Variants in RANBP2 observed in about 807,000 individuals in gnomAD.
RANBP2 encodes E3 SUMO-protein ligase RanBP2.
A neutral mutation model predicts 303.6 loss-of-function variants in RANBP2; 57 were observed. That is an observed-to-expected ratio of 0.19 (90% CI 0.15 to 0.23). RANBP2 has a LOEUF of 0.23. Among genes scored for constraint, RANBP2 ranks in the 10% least tolerant of loss-of-function variants. The probability of loss-of-function intolerance (pLI) is 1.00; values close to 1 mark genes in which losing one functional copy is unlikely to be tolerated. For missense variants in RANBP2, 3,138 were observed against 3,780.8 expected (o/e 0.83, Z 4.46); for synonymous variants, 1,167 against 1,301.5 (o/e 0.90, Z 2.23).
At chr2:108,840,784 ATTTCTTTTTTTCTTTT>A in the RANBP2 span, among the ~76,000 whole-genome samples, 48 of 148,610 alleles carry the variant, frequency 3.2e-4, 2 homozygotes, top group Admixed American at 8.0e-4. Flanking sequence ...TCTTTGTTTC[ATTTCTTTTTTTCTTTT>A]TTTCTTTTTT....
the RANBP2 span, among the ~76,000 whole-genome samples, chr2:109,423,981 C>T: frequency 6.6e-6 from 1 of 152,196 alleles, no homozygotes; most frequent in Non-Finnish European, 1.5e-5. Flanking sequence ...CCCTGGCGGG[C>T]AAAGGTCGGA....
the RANBP2 span, among the ~76,000 whole-genome samples, chr2:109,484,063 CTTTCT>C: frequency 0.22 from 30,606 of 138,938 alleles, 3,008 homozygotes; most frequent in Admixed American, 0.31. Flanking sequence ...ATCCTCTGGC[CTTTCT>C]TTTTTTTTTT....
the RANBP2 span, among the ~76,000 whole-genome samples, chr2:109,370,530 C>T: frequency 1.3e-5 from 2 of 152,152 alleles, no homozygotes; most frequent in Admixed American, 6.5e-5. Context: ...TGAGCCACCG[C>T]GCCCGGCCAT....
the RANBP2 span, among the ~76,000 whole-genome samples, chr2:108,981,734 G>A: frequency 5.3e-5 from 8 of 152,246 alleles, no homozygotes; most frequent in East Asian, 9.6e-4. Flanking sequence ...ATTTCTGAAC[G>A]AGCCCATGGA....
chr2:108,757,980 CACTGGCA>C (rs1676443208), intron 17 of RANBP2, among the ~76,000 whole-genome samples: 1 of 152,130 alleles, frequency 6.6e-6, no homozygotes, highest in African/African-American at 2.4e-5. Flanking sequence ...ACCTAGAACT[CACTGGCA>C]AATAGAAACT....
chr2:109,391,841 T>G, the RANBP2 span, among the ~76,000 whole-genome samples: 9 of 152,060 alleles, frequency 5.9e-5, no homozygotes, highest in South Asian at 4.2e-4. Context: ...AAATATGGTC[T>G]TCTTTTTTTT....
the RANBP2 span, among the ~76,000 whole-genome samples, chr2:109,703,748 T>G: frequency 0.77 from 117,803 of 152,220 alleles, 49,507 homozygotes; most frequent in East Asian, 0.97. Flanking sequence ...TATTTTAATT[T>G]TACTTCACCT....
chr2:109,489,929 G>T, the RANBP2 span, among the ~76,000 whole-genome samples: 1 of 152,122 alleles, frequency 6.6e-6, no homozygotes, highest in Non-Finnish European at 1.5e-5. Flanking sequence ...GTAGAGACAG[G>T]GTTTCACCAT....
chr2:109,448,357 A>G, the RANBP2 span, among the ~76,000 whole-genome samples: 1 of 152,216 alleles, frequency 6.6e-6, no homozygotes, highest in Non-Finnish European at 1.5e-5. Context: ...GCCACAGACC[A>G]ATTCCGGTCC....
At chr2:109,131,871 CT>C in the RANBP2 span, among the ~76,000 whole-genome samples, 37 of 152,272 alleles carry the variant, frequency 2.4e-4, no homozygotes, top group Middle Eastern at 3.4e-3. Context: ...TAGACGAGCA[CT>C]TATTTAACTA....
At chr2:109,574,610 G>A in the RANBP2 span, 1 of 1,597,102 alleles carries the variant, frequency 6.3e-7, no homozygotes, top group East Asian at 2.3e-5. Flanking sequence ...ATGGTTAAGA[G>A]ATCAAGTGTC....
chr2:109,278,204 T>G, the RANBP2 span, among the ~76,000 whole-genome samples: 1 of 151,944 alleles, frequency 6.6e-6, no homozygotes, highest in Admixed American at 6.6e-5. Flanking sequence ...TTTCAGTAAT[T>G]CACCAGGACT....
chr2:109,525,389 C>G, the RANBP2 span, among the ~76,000 whole-genome samples: 1 of 152,108 alleles, frequency 6.6e-6, no homozygotes, highest in Non-Finnish European at 1.5e-5. Flanking sequence ...GTCTCGAACT[C>G]CTGACCTCAA....
At chr2:109,545,435 C>G in the RANBP2 span, 2 of 1,536,080 alleles carry the variant, frequency 1.3e-6, no homozygotes, top group Non-Finnish European at 1.7e-6. Flanking sequence ...TCATGGCTGC[C>G]CCCTTGCACT....
At chr2:108,864,235 T>C in the RANBP2 span, among the ~76,000 whole-genome samples, 3 of 152,188 alleles carry the variant, frequency 2.0e-5, no homozygotes, top group Non-Finnish European at 4.4e-5. Context: ...TAGAAGAAGC[T>C]AAGAAAGCAA....
the RANBP2 span, among the ~76,000 whole-genome samples, chr2:109,115,019 C>G: frequency 8.1e-4 from 124 of 152,240 alleles, 1 homozygote; most frequent in Admixed American, 2.7e-3. Context: ...AATTTCTGTT[C>G]TTTTACATTT....
chr2:109,447,850 A>G, the RANBP2 span, among the ~76,000 whole-genome samples: 2 of 152,222 alleles, frequency 1.3e-5, no homozygotes, highest in East Asian at 3.9e-4. Context: ...CATCTTTAAG[A>G]ATTGTTTTTG....
the RANBP2 span, among the ~76,000 whole-genome samples, chr2:109,025,748 A>G: frequency 1.5e-4 from 23 of 151,542 alleles, no homozygotes; most frequent in Non-Finnish European, 5.9e-5. Flanking sequence ...CAGTGAGCCG[A>G]GATCACGCCA....
the RANBP2 span, among the ~76,000 whole-genome samples, chr2:109,245,094 C>T: frequency 2.6e-5 from 4 of 152,128 alleles, no homozygotes; most frequent in African/African-American, 9.7e-5. Context: ...GCAGAGTGTG[C>T]CCAGTTCTCA....
Sources: allele counts gnomAD v4.1 joint callset (sites outside exome capture counted in the v4.1 genomes callset), GRCh38; gene constraint gnomAD v4.1.1; transcripts MANE v1.5; gene names NCBI Gene and HGNC (gene_info 2026-07-23, HGNC 2026-07-21).